GPHN: variants seen among roughly 807,000 people sequenced by gnomAD.
The protein encoded by GPHN is gephyrin.
Under a neutral mutation model 95.5 loss-of-function variants are expected in GPHN, and 17 were observed. The ratio of observed to expected loss-of-function variants is 0.18; its 90% CI spans 0.12 to 0.27. The LOEUF is 0.27. Ranked by LOEUF, GPHN falls within the 10% of genes least tolerant of loss-of-function variation. The pLI is 1.00. For missense variants in GPHN, 660 were observed against 978.1 expected (o/e 0.67, Z 4.34); for synonymous variants, 320 against 322.5 (o/e 0.99, Z 0.08).
At chr14:67,004,892 T>C (rs990413740) in intron 9 of GPHN, among the ~76,000 whole-genome samples, 4 of 151,732 alleles carry the variant, frequency 2.6e-5, no homozygotes, top group Non-Finnish European at 5.9e-5. Flanking sequence ...AGGCATGACA[T>C]TACTCTTTAT....
At chr14:66,987,819 GT>G (rs1018152716) in intron 9 of GPHN, among the ~76,000 whole-genome samples, 1 of 152,060 alleles carries the variant, frequency 6.6e-6, no homozygotes, top group Non-Finnish European at 1.5e-5. Flanking sequence ...TGTTTGAAAT[GT>G]TTGCCAAAGG....
At chr14:66,793,495 T>C (rs1247999133) in intron 3 of GPHN, among the ~76,000 whole-genome samples, 1 of 152,212 alleles carries the variant, frequency 6.6e-6, no homozygotes, top group Non-Finnish European at 1.5e-5. Flanking sequence ...TCGGTTTCTT[T>C]AATAGACATA....
At chr14:66,738,142 G>A (rs2072461088) in intron 2 of GPHN, among the ~76,000 whole-genome samples, 1 of 152,232 alleles carries the variant, frequency 6.6e-6, no homozygotes, top group South Asian at 2.1e-4. Flanking sequence ...CATTGGAGCA[G>A]TAGTAGTGAT....
At chr14:66,597,158 C>G (rs1051745959) in intron 1 of GPHN, among the ~76,000 whole-genome samples, 3 of 152,092 alleles carry the variant, frequency 2.0e-5, no homozygotes, top group African/African-American at 7.2e-5. Context: ...TTTGCATGAC[C>G]ATTTGGAGTT....
At chr14:67,286,702 T>C in the GPHN span, among the ~76,000 whole-genome samples, 1 of 147,756 alleles carries the variant, frequency 6.8e-6, no homozygotes, top group Non-Finnish European at 1.5e-5. Flanking sequence ...CCAAAAAAAA[T>C]ACAAAAATAG....
intron 2 of GPHN, among the ~76,000 whole-genome samples, chr14:66,764,247 G>A (rs924527287): frequency 6.6e-6 from 1 of 152,068 alleles, no homozygotes; most frequent in African/African-American, 2.4e-5. Context: ...ATGATGGGAG[G>A]ATGTTCGTGG....
intron 1 of GPHN, among the ~76,000 whole-genome samples, chr14:66,634,207 T>C (rs1435418775): frequency 6.6e-6 from 1 of 152,160 alleles, no homozygotes; most frequent in Non-Finnish European, 1.5e-5. Context: ...TACATTGATA[T>C]TTGCACATCT....
chr14:67,150,257 A>G (rs2153710120), intron 18 of GPHN, among the ~76,000 whole-genome samples: 1 of 151,606 alleles, frequency 6.6e-6, no homozygotes, highest in Non-Finnish European at 1.5e-5. Context: ...CCCGGCTAAA[A>G]CGGTGAAACC....
intron 18 of GPHN, among the ~76,000 whole-genome samples, chr14:67,146,965 G>A (rs2080932892): frequency 1.3e-5 from 2 of 152,190 alleles, no homozygotes; most frequent in Non-Finnish European, 2.9e-5. Flanking sequence ...CCTGGGAGGT[G>A]GAGGTTGCAG....
At chr14:66,638,549 C>T (rs2064227226) in intron 1 of GPHN, among the ~76,000 whole-genome samples, 1 of 152,096 alleles carries the variant, frequency 6.6e-6, no homozygotes, top group Non-Finnish European at 1.5e-5. Flanking sequence ...AATAAATGGT[C>T]ACTATTGCTT....
At chr14:66,855,910 G>C (rs575937220) in intron 4 of GPHN, among the ~76,000 whole-genome samples, 270 of 152,162 alleles carry the variant, frequency 1.8e-3, no homozygotes, top group Non-Finnish European at 3.3e-3. Context: ...GTAGCCATTT[G>C]CCTAACATTA....
intron 20 of GPHN, among the ~76,000 whole-genome samples, chr14:67,168,326 C>T (rs1427453074): frequency 1.3e-5 from 2 of 152,320 alleles, no homozygotes; most frequent in East Asian, 3.9e-4. Flanking sequence ...TTAATTACCT[C>T]CTTAAAGGCC....
At chr14:66,678,284 T>A (rs375340518) in intron 1 of GPHN, among the ~76,000 whole-genome samples, 10 of 150,146 alleles carry the variant, frequency 6.7e-5, no homozygotes, top group African/African-American at 2.3e-4. Context: ...CTTTTTTAAA[T>A]TTTTTTTTCC....
intron 10 of GPHN, among the ~76,000 whole-genome samples, chr14:67,026,826 T>C (rs565242397): frequency 1.3e-5 from 2 of 152,258 alleles, no homozygotes; most frequent in African/African-American, 4.8e-5. Context: ...GTATTTTTAG[T>C]AGAGATGGGG....
intron 8 of GPHN, among the ~76,000 whole-genome samples, chr14:66,964,574 G>A (rs972808917): frequency 1.3e-5 from 2 of 152,180 alleles, no homozygotes; most frequent in Non-Finnish European, 2.9e-5. Flanking sequence ...GGGAAGGAGT[G>A]CTATTAGAAT....
chr14:66,539,476 G>A (rs1244681609), intron 1 of GPHN, among the ~76,000 whole-genome samples: 7 of 145,920 alleles, frequency 4.8e-5, no homozygotes, highest in Non-Finnish European at 7.4e-5. Context: ...GTGCAATGGC[G>A]TGATCTCGGC....
the GPHN span, chr14:67,575,835 T>C: frequency 6.2e-7 from 1 of 1,613,588 alleles, no homozygotes; most frequent in Admixed American, 1.7e-5. Context: ...ACCCCTGGGC[T>C]GCCTGCCTGT....
In GPHN at chr14:66,558,910, C is replaced by A. The variant is rs565633031; in HGVS notation, c.64+50319C>A. ...CCCTCCCCCAACCCCACAACAGTCCCCAGAGTGTGTTGTTCCCCTTCCTGT... is the reference window on the plus strand; with the variant it reads ...CCCTCCCCCAACCCCACAACAGTCCACAGAGTGTGTTGTTCCCCTTCCTGT... On this transcript the variant is annotated intron_variant, in intron 1 of 22. Transcript: ENST00000478722. Among the ~76,000 whole-genome samples the A allele has an allele frequency of 1.4e-3, 204 of 149,594 alleles. 1 individual carries two copies. Among genetic ancestry groups the A allele is most frequent in the Middle Eastern group, 3.4e-3 (1 of 290 alleles).
At chr14:67,196,753 AC>A in the GPHN span, 1 of 152,176 alleles carries the variant, frequency 6.6e-6, no homozygotes, top group Non-Finnish European at 1.5e-5. Context: ...TCACCAAAAG[AC>A]CACGGTGAGG....
Sources: allele counts gnomAD v4.1 joint callset (sites outside exome capture counted in the v4.1 genomes callset), GRCh38; gene constraint gnomAD v4.1.1; transcripts MANE v1.5; gene names NCBI Gene and HGNC (gene_info 2026-07-23, HGNC 2026-07-21).